The following THRAP3 variants were observed in gnomAD, a reference collection of about 807,000 sequenced individuals.
THRAP3 encodes the protein thyroid hormone receptor associated protein 3.
In THRAP3, 16 loss-of-function variants were observed where a neutral mutation model predicts 101.0. That is an observed-to-expected ratio of 0.16 (90% CI 0.11 to 0.24). THRAP3 has a LOEUF of 0.24. THRAP3 is among the 10% of genes least tolerant of loss of function. The pLI is 1.00. For synonymous variants in THRAP3, 407 were observed against 422.6 expected, an observed-to-expected ratio of 0.96 and a Z score of 0.45; for missense variants, 989 against 1,202.7, an observed-to-expected ratio of 0.82 and a Z score of 2.63.
intron 2 of THRAP3, among the ~76,000 whole-genome samples, chr1:36,267,368 T>G (rs983559134): frequency 1.3e-5 from 2 of 152,164 alleles, no homozygotes; most frequent in Admixed American, 6.5e-5. Context: ...AATTTTTAAG[T>G]TTTTTTGTCA....
intron 4 of THRAP3, chr1:36,288,051 C>G: frequency 1.0e-6 from 1 of 967,246 alleles, no homozygotes; most frequent in Non-Finnish European, 1.2e-6. Flanking sequence ...TTCTTCTTGG[C>G]TGTATTAACA....
chr1:36,286,139 A>C lies in THRAP3; in HGVS notation c.138-229A>C, dbSNP rs1645793486. 6.6e-6 allele frequency among the ~76,000 whole-genome samples: 1 copy of C among 152,224 alleles called. No individual in the cohort carries two copies. The highest frequency in any genetic ancestry group is 2.1e-4 in the South Asian group (1 of 4,832). On this transcript the variant is annotated intron_variant, in intron 3 of 11. Transcript: ENST00000354618. The surrounding 1 kb of genome is among the most constrained non-coding windows in gnomAD (Gnocchi z 5.5). ...TACACCTCCATTTTAAATGTGCTGC[A>C]ATATGAATGAAGTGACCTGTGTTTC...
chr1:36,273,176 C>G (rs908130015), intron 2 of THRAP3, among the ~76,000 whole-genome samples: 1 of 152,146 alleles, frequency 6.6e-6, no homozygotes, highest in African/African-American at 2.4e-5. Flanking sequence ...TTAGTTAACT[C>G]TTTTTTGTTA....
At chr1:36,245,223 C>T (rs565761350) in intron 1 of THRAP3, among the ~76,000 whole-genome samples, 1 of 150,342 alleles carries the variant, frequency 6.7e-6, no homozygotes, top group Admixed American at 6.6e-5. Context: ...CTGGAGTGCA[C>T]TGGCACAATC....
upstream of THRAP3, among the ~76,000 whole-genome samples, chr1:36,224,147 T>TG (rs1284542019): frequency 6.6e-6 from 1 of 151,956 alleles, no homozygotes; most frequent in Admixed American, 6.6e-5. Context: ...TCCAAAATGG[T>TG]GGGGGCAGTG....
Position 36,225,749 on chromosome 1 carries a change from T to C in THRAP3, c.-135+1244T>C, listed in dbSNP as rs538446626. On this transcript the variant is annotated intron_variant, in intron 1 of 11. Coordinates refer to ENST00000354618, the MANE Select transcript of THRAP3 (RefSeq NM_005119.4). Reference sequence around the variant, plus strand: ...TTGTTAAATAGCCAAAACCGGCTCCTGCCATGAACAACTTGTGGAGCAAAT... The same window carrying C: ...TTGTTAAATAGCCAAAACCGGCTCCCGCCATGAACAACTTGTGGAGCAAAT... Among the ~76,000 whole-genome samples, 487 of 152,362 alleles carry C rather than the reference T, an allele frequency of 3.2e-3. 4 individuals are homozygous for C. Among genetic ancestry groups the C allele is most frequent in the African/African-American group, 0.011 (468 of 41,586 alleles).
chr1:36,280,808 C>T (rs1010470153), intron 2 of THRAP3, among the ~76,000 whole-genome samples: 1 of 150,434 alleles, frequency 6.6e-6, no homozygotes, highest in Non-Finnish European at 1.5e-5. Context: ...GTAGACCAGG[C>T]GTTAACCTCT....
chr1:36,269,306 A>G (rs1350568603), intron 2 of THRAP3, among the ~76,000 whole-genome samples: 1 of 152,120 alleles, frequency 6.6e-6, no homozygotes, highest in Non-Finnish European at 1.5e-5. Flanking sequence ...CGGACACCAT[A>G]GAGTTAGAAG....
chr1:36,264,795 A>G (rs942494722), intron 2 of THRAP3, among the ~76,000 whole-genome samples: 9 of 152,110 alleles, frequency 5.9e-5, no homozygotes, highest in African/African-American at 2.2e-4. Flanking sequence ...AATTGTGAAG[A>G]TATACAGAGT....
the THRAP3 span, among the ~76,000 whole-genome samples, chr1:36,215,951 G>A: frequency 0.018 from 2,717 of 151,960 alleles, 97 homozygotes; most frequent in African/African-American, 0.062. Context: ...GTTTCTCCAT[G>A]TTGGTCAGAC....
At chr1:36,244,924 G>A (rs1333832365) in intron 1 of THRAP3, among the ~76,000 whole-genome samples, 1 of 151,454 alleles carries the variant, frequency 6.6e-6, no homozygotes, top group African/African-American at 2.4e-5. Context: ...GTTTCATGAT[G>A]TTGGCCAGGA....
chr1:36,303,646 G>A (rs1247477214), intron 11 of THRAP3, 150 bp from the exon 12 acceptor site: 10 of 1,198,598 alleles, frequency 8.3e-6, no homozygotes, highest in African/African-American at 1.5e-5. Context: ...TTTTTGGAGT[G>A]GGGGACAGGG....
At chr1:36,230,578 T>G (rs1245106708) in intron 1 of THRAP3, among the ~76,000 whole-genome samples, 1 of 152,158 alleles carries the variant, frequency 6.6e-6, no homozygotes, top group Admixed American at 6.5e-5. Flanking sequence ...AAGGAGCATT[T>G]TAAGTGTGCT....
At chr1:36,214,066 GA>G in the THRAP3 span, among the ~76,000 whole-genome samples, 26 of 143,136 alleles carry the variant, frequency 1.8e-4, no homozygotes, top group Non-Finnish European at 3.6e-4. Flanking sequence ...AAGAAAGAAA[GA>G]CAACTCCTAA....
chr1:36,234,932 G>A (rs1645068419), intron 1 of THRAP3, among the ~76,000 whole-genome samples: 1 of 149,158 alleles, frequency 6.7e-6, no homozygotes, highest in South Asian at 2.2e-4. Context: ...TCCTGCCTCA[G>A]CCTCCGGAGT....
At chr1:36,257,941 A>G (rs1466818859) in intron 1 of THRAP3, among the ~76,000 whole-genome samples, 1 of 152,148 alleles carries the variant, frequency 6.6e-6, no homozygotes, top group Admixed American at 6.5e-5. Flanking sequence ...CCCGAGTTCA[A>G]GGGATTCTCC....
At chr1:36,219,474 G>C (rs1644892969), upstream of THRAP3, among the ~76,000 whole-genome samples, 1 of 152,054 alleles carries the variant, frequency 6.6e-6, no homozygotes, top group Non-Finnish European at 1.5e-5. Flanking sequence ...GCCTAGACTG[G>C]AGTGCAGTGG....
At chr1:36,302,640 C>T (rs758540417) in intron 11 of THRAP3, among the ~76,000 whole-genome samples, 1 of 152,140 alleles carries the variant, frequency 6.6e-6, no homozygotes, top group African/African-American at 2.4e-5. Context: ...GAAGCTGACA[C>T]CTGCTGAGCT....
chr1:36,295,240 A>T (rs1480035440), intron 8 of THRAP3, among the ~76,000 whole-genome samples: 1 of 151,874 alleles, frequency 6.6e-6, no homozygotes. Flanking sequence ...AAAAAAGGAA[A>T]AAAAAAAAAA....
Sources: gnomAD v4.1 joint callset for allele counts (sites outside exome capture counted in the v4.1 genomes callset) on GRCh38, gnomAD v4.1.1 for gene constraint, Gnocchi (gnomAD v3.1) non-coding constraint, MANE v1.5 for transcripts, NCBI Gene and HGNC (gene_info 2026-07-23, HGNC 2026-07-21) for gene names.